Variants in NRK observed in about 807,000 individuals in gnomAD.
The protein encoded by NRK is nik-related protein kinase.
Under a neutral mutation model 125.2 loss-of-function variants are expected in NRK, and 67 were observed. The ratio of observed to expected loss-of-function variants is 0.54; its 90% confidence interval spans 0.44 to 0.66. The LOEUF is 0.66. Ranked by LOEUF, NRK falls within the 30% of genes least tolerant of loss-of-function variation. The probability of loss-of-function intolerance (pLI) is 0.00; values close to 1 mark genes in which losing one functional copy is unlikely to be tolerated. For synonymous variants in NRK, 458 were observed against 429.0 expected, an observed-to-expected ratio of 1.07 and a Z score of -0.84; for missense variants, 1,224 against 1,192.9, an observed-to-expected ratio of 1.03 and a Z score of -0.38.
chrX:105,945,867 A>G lies in NRK; in HGVS notation c.4060-5A>G. On this transcript the variant is annotated splice_region_variant and splice_polypyrimidine_tract_variant and intron_variant, in intron 24 of 28. Transcript: ENST00000243300. ...ACATGTCTGGCCCTTTTCATTCCCT[A>G]CCAAGTATGCATTGATCAATCAGCA... The G allele has an allele frequency of 8.3e-7, 1 of 1,206,576 alleles. No homozygotes were observed. The highest frequency in any genetic ancestry group is 1.1e-6 in the Non-Finnish European group (1 of 891,613).
At chrX:105,853,989 T>G (rs1456620691) in intron 2 of NRK, among the ~76,000 whole-genome samples, 2 of 112,049 alleles carry the variant, frequency 1.8e-5, no homozygotes, top group African/African-American at 6.5e-5. Context: ...GGGGCTGCCT[T>G]CACAAAGTTC....
intron 8 of NRK, among the ~76,000 whole-genome samples, chrX:105,900,151 TACACACACACACAC>T (rs202022404): frequency 0.014 from 1,242 of 89,362 alleles, 7 homozygotes; most frequent in South Asian, 0.026. Context: ...ACTGCTGAAG[TACACACACACACAC>T]ACACACACAC....
chrX:105,920,513 T>C (rs1046889355), intron 16 of NRK, among the ~76,000 whole-genome samples: 1 of 108,431 alleles, frequency 9.2e-6, no homozygotes, highest in African/African-American at 3.4e-5. Flanking sequence ...ATATTGATTC[T>C]TCCTAGCCAT....
chrX:105,930,721 C>T (rs1486635990), intron 19 of NRK, among the ~76,000 whole-genome samples: 1 of 110,902 alleles, frequency 9.0e-6, no homozygotes, highest in African/African-American at 3.3e-5. Flanking sequence ...GAGTGGCTTT[C>T]ATAAGGAAAG....
At chrX:105,882,858 A>G (rs1055251953) in intron 4 of NRK, among the ~76,000 whole-genome samples, 8 of 112,074 alleles carry the variant, frequency 7.1e-5, no homozygotes, top group Non-Finnish European at 1.5e-4. Context: ...GGTATGGAAA[A>G]TATGATTATT....
At chrX:105,875,851 C>T (rs987877546) in intron 2 of NRK, among the ~76,000 whole-genome samples, 21 of 110,859 alleles carry the variant, frequency 1.9e-4, no homozygotes, top group African/African-American at 6.8e-4. Flanking sequence ...TGAACTTATA[C>T]AAAGTATTTA....
intron 15 of NRK, among the ~76,000 whole-genome samples, chrX:105,916,887 A>C (rs1222960199): frequency 8.9e-6 from 1 of 111,893 alleles, no homozygotes; most frequent in Non-Finnish European, 1.9e-5. Context: ...CTTTAAATAT[A>C]GTTAAATTTA....
Position 105,822,729 on chromosome X carries a change from C to CTCCTCTCTCCCGCCCTCCTCCT in NRK, c.-106_-85dup. The CTCCTCTCTCCCGCCCTCCTCCT allele has an allele frequency of 5.8e-6, 4 of 695,114 alleles. No homozygotes were observed. The highest frequency in any genetic ancestry group is 2.7e-5 in the Admixed American group (1 of 37,612). The allele number at this position is 695,114 out of a possible 1,213,427, so 57.3% of individuals were successfully genotyped here. The stretch of plus-strand genomic sequence containing the variant: ...CACGCCACGAACCCCGATCCCCAGA[C>CTCCTCTCTCCCGCCCTCCTCCT]TCCTCTCTCCCGCCCTCCTCCTTCC... On this transcript the variant is annotated 5_prime_UTR_variant, in exon 1 of 29. Coordinates refer to ENST00000243300, the MANE Select transcript of NRK (RefSeq NM_198465.4).
chrX:105,911,107 C>A (rs1030509242), intron 13 of NRK, among the ~76,000 whole-genome samples: 3 of 111,478 alleles, frequency 2.7e-5, no homozygotes, highest in African/African-American at 9.8e-5. Flanking sequence ...CTCTCTTCTT[C>A]TGTGATTAAT....
chrX:105,859,484 T>G (rs757035859), intron 2 of NRK, among the ~76,000 whole-genome samples: 3 of 111,748 alleles, frequency 2.7e-5, no homozygotes, highest in Non-Finnish European at 3.8e-5. Context: ...GCCAATGACT[T>G]GCCAAATTAT....
At chrX:105,832,387 G>T (rs1188340878) in intron 2 of NRK, among the ~76,000 whole-genome samples, 1 of 111,122 alleles carries the variant, frequency 9.0e-6, no homozygotes, top group African/African-American at 3.3e-5. Context: ...CACTGATCAG[G>T]TACCTTTCTA....
chrX:105,942,185 A>G (rs1286362272), intron 23 of NRK, among the ~76,000 whole-genome samples: 3 of 112,123 alleles, frequency 2.7e-5, no homozygotes, highest in African/African-American at 6.5e-5. Context: ...TTATCCATAC[A>G]TCAGTTGATG....
rs7055766 is a variant in NRK at position 105,935,418 on chromosome X, C to A, written c.3655+93C>A. The A allele has an allele frequency of 0.034, 18,667 of 552,412 alleles. 2,587 individuals carry two copies. The African/African-American group carries it at 0.4, about 12-fold the overall frequency. 45.5% of individuals were successfully genotyped at this position (552,412 alleles called of 1,213,427 possible). On this transcript the variant is annotated intron_variant, in intron 21 of 28. Transcript: ENST00000243300. ...AAATATTTGCTTACTCTTACCAAGTCATTACAATAAAAATATATTTATAGT... is the reference window on the plus strand; with the variant it reads ...AAATATTTGCTTACTCTTACCAAGTAATTACAATAAAAATATATTTATAGT...
intron 2 of NRK, among the ~76,000 whole-genome samples, chrX:105,869,979 G>A (rs780978823): frequency 1.8e-5 from 2 of 110,844 alleles, no homozygotes; most frequent in East Asian, 2.8e-4. Context: ...GTTTGCTTAC[G>A]GAGGGTTTTG....
chrX:105,912,773 AGTT>A lies in NRK; in HGVS notation c.2349+24_2349+26del. 1 of 819,947 alleles carries A rather than the reference AGTT, an allele frequency of 1.2e-6. No individual in the cohort carries two copies. The highest frequency in any genetic ancestry group is 1.7e-6 in the Non-Finnish European group (1 of 573,928). The allele number at this position is 819,947 out of a possible 1,213,427, so 67.6% of individuals were successfully genotyped here. On this transcript the variant is annotated intron_variant, in intron 14 of 28. Transcript: ENST00000243300. ...AAATTGAGGTAAATTTTTCAATATGAGTTGTTGTGACATTAGTAAGAACCCAGA... is the reference window on the plus strand; with the variant it reads ...AAATTGAGGTAAATTTTTCAATATGAGTTGTGACATTAGTAAGAACCCAGA...
chrX:105,852,109 T>C (rs2039479798), intron 2 of NRK, among the ~76,000 whole-genome samples: 1 of 111,870 alleles, frequency 8.9e-6, no homozygotes, highest in African/African-American at 3.2e-5. Flanking sequence ...TGCCATTTTC[T>C]GTTTGCTCAC....
intron 28 of NRK, among the ~76,000 whole-genome samples, chrX:105,953,748 A>G (rs1181270292): frequency 8.9e-6 from 1 of 111,835 alleles, no homozygotes; most frequent in Non-Finnish European, 1.9e-5. Context: ...AATTTTAACA[A>G]CTAATTCAAA....
At position 105,957,152 on chromosome X, in the gene NRK, T is replaced by A. The variant is rs1478977916; in HGVS notation, c.*1552T>A. 8.9e-6 allele frequency: 1 copy of A among 112,416 alleles called. No homozygotes were observed. Among genetic ancestry groups the A allele is most frequent in the Non-Finnish European group, 1.9e-5 (1 of 53,179 alleles). The allele number at this position is 112,416 out of a possible 1,213,427, so 9.3% of individuals were successfully genotyped here. A position where few individuals can be genotyped will look rare whatever the true frequency, so the allele number is the denominator to read the frequency against. On this transcript the variant is annotated 3_prime_UTR_variant, in exon 29 of 29. Transcript: ENST00000243300. ...TCATTATTGAGAATTTAGGAAAGCC[T>A]GAATCCATTAATTAAGGAAATAAAT...
intron 16 of NRK, among the ~76,000 whole-genome samples, chrX:105,920,070 A>G (rs1234425702): frequency 1.9e-5 from 2 of 105,777 alleles, no homozygotes; most frequent in African/African-American, 7.0e-5. Flanking sequence ...TGATTTTTGT[A>G]TAAGGTGAAA....
Sources: allele counts gnomAD v4.1 joint callset (sites outside exome capture counted in the v4.1 genomes callset), GRCh38; gene constraint gnomAD v4.1.1; transcripts MANE v1.5; gene names NCBI Gene and HGNC (gene_info 2026-07-23, HGNC 2026-07-21).